Variants in WDFY2 observed in about 807,000 individuals in gnomAD.
WDFY2 encodes the protein WD repeat and FYVE domain containing 2, also known as WD repeat and FYVE domain-containing protein 2.
A neutral mutation model predicts 56.4 loss-of-function variants in WDFY2; 36 were observed. The observed-to-expected ratio is 0.64, with a 90% CI of 0.49 to 0.84. The LOEUF is 0.84. Among genes scored for constraint, WDFY2 ranks in the 40% least tolerant of loss-of-function variants. The pLI is 0.00. For synonymous variants in WDFY2, 176 were observed against 183.7 expected, an observed-to-expected ratio of 0.96 and a Z score of 0.34; for missense variants, 444 against 512.2, an observed-to-expected ratio of 0.87 and a Z score of 1.29.
intron 1 of WDFY2, among the ~76,000 whole-genome samples, chr13:51,645,372 TC>T (rs1424484172): frequency 6.6e-6 from 1 of 152,078 alleles, no homozygotes; most frequent in Admixed American, 6.5e-5. Flanking sequence ...ATAACAATTG[TC>T]CCCTGGGAAA....
chr13:51,652,506 T>C lies in WDFY2; in HGVS notation c.138-8090T>C, dbSNP rs1955413555. 3.3e-5 allele frequency among the ~76,000 whole-genome samples: 5 copies of C among 152,356 alleles called. No individual in the cohort carries two copies. In the South Asian group the frequency reaches 8.3e-4, roughly 25 times the overall value. On this transcript the variant is annotated intron_variant, in intron 1 of 11. Coordinates refer to ENST00000298125, the MANE Select transcript of WDFY2 (RefSeq NM_052950.4). ...TGCAGTTTCTTCCTAGCCTCGATGG[T>C]CTTTACAATTTGGCATGTCTTTGCA...
intron 4 of WDFY2, among the ~76,000 whole-genome samples, chr13:51,710,576 C>A (rs1952190003): frequency 6.6e-6 from 1 of 152,168 alleles, no homozygotes; most frequent in African/African-American, 2.4e-5. Context: ...AGCTGATAAG[C>A]AACTTCAGCA....
At chr13:51,665,207 A>G (rs1955678335) in intron 2 of WDFY2, among the ~76,000 whole-genome samples, 1 of 152,170 alleles carries the variant, frequency 6.6e-6, no homozygotes, top group South Asian at 2.1e-4. Flanking sequence ...ATTTTTATGG[A>G]TGAATGAGAA....
chr13:51,707,438 CAA>C (rs1952107208), intron 4 of WDFY2, among the ~76,000 whole-genome samples: 1 of 152,174 alleles, frequency 6.6e-6, no homozygotes, highest in Admixed American at 6.5e-5. Flanking sequence ...TGATTACAGG[CAA>C]GAACCACTGT....
At chr13:51,720,748 G>A (rs1033971278) in intron 5 of WDFY2, among the ~76,000 whole-genome samples, 4 of 152,154 alleles carry the variant, frequency 2.6e-5, no homozygotes, top group Non-Finnish European at 5.9e-5. Context: ...TCAGTGTCTG[G>A]TGAGGGCACT....
In WDFY2 at chr13:51,758,119, A is replaced by G. The variant is rs1056749305; in HGVS notation, c.1065-73A>G. Reference sequence around the variant, plus strand: ...GCCACGAGGCCAAAATTTAGAGCCTAATGTCATCCTAGATCTCTCTCATTC... The same window carrying G: ...GCCACGAGGCCAAAATTTAGAGCCTGATGTCATCCTAGATCTCTCTCATTC... On this transcript the variant is annotated intron_variant, in intron 10 of 11. Transcript: ENST00000298125. 9 of 1,235,530 alleles carry G rather than the reference A, an allele frequency of 7.3e-6. No homozygotes were observed. In the African/African-American group the frequency reaches 8.8e-5, roughly 12 times the overall value. 76.5% of individuals were successfully genotyped at this position (1,235,530 alleles called of 1,614,324 possible). A position where few individuals can be genotyped will look rare whatever the true frequency, so the allele number is the denominator to read the frequency against.
chr13:51,730,182 C>T (rs1356310780), intron 6 of WDFY2, among the ~76,000 whole-genome samples: 1 of 152,216 alleles, frequency 6.6e-6, no homozygotes, highest in East Asian at 1.9e-4. Flanking sequence ...ATATAATTTT[C>T]CCAGCTGCTT....
In WDFY2 at chr13:51,766,779, C is replaced by T. The variant is rs2138843399; in HGVS notation, c.*7010C>T. 1 of 152,400 alleles carries T rather than the reference C, an allele frequency of 6.6e-6. No homozygotes were observed. Among genetic ancestry groups the T allele is most frequent in the South Asian group, 2.1e-4 (1 of 4,828 alleles). 9.4% of individuals were successfully genotyped at this position (152,400 alleles called of 1,614,324 possible). On this transcript the variant is annotated 3_prime_UTR_variant, in exon 12 of 12. Transcript: ENST00000298125. ...GTTGCCGCCACGGTTTAAAATAAAT[C>T]TCTGTGAAAACCTTTCTGCAGCTAT...
chr13:51,732,317 G>A (rs1413025324), intron 6 of WDFY2, among the ~76,000 whole-genome samples: 1 of 152,080 alleles, frequency 6.6e-6, no homozygotes, highest in East Asian at 1.9e-4. Flanking sequence ...TTTTAGTAGA[G>A]GCAGGGTTTT....
rs1255630280 is a variant in WDFY2, at chr13:51,763,875, G to T, written c.*4106G>T. Reference sequence around the variant, plus strand: ...CCAAATTTTTGTTTTTAAGCAAAAGGATAGCTCTAAGTGTGGGTTGCAGTT... The same window carrying T: ...CCAAATTTTTGTTTTTAAGCAAAAGTATAGCTCTAAGTGTGGGTTGCAGTT... On this transcript the variant is annotated 3_prime_UTR_variant, in exon 12 of 12. Transcript: ENST00000298125. 2.0e-5 allele frequency: 3 copies of T among 152,306 alleles called. No individual in the cohort carries two copies. The highest frequency in any genetic ancestry group is 4.4e-5 in the Non-Finnish European group (3 of 68,022). 9.4% of individuals were successfully genotyped at this position (152,306 alleles called of 1,614,324 possible).
chr13:51,658,938 T>G (rs190512014), intron 1 of WDFY2, among the ~76,000 whole-genome samples: 5 of 152,284 alleles, frequency 3.3e-5, no homozygotes, highest in African/African-American at 1.2e-4. Context: ...ATTAATTTAC[T>G]GTTTTTGAGA....
At chr13:51,729,090 A>G (rs1342860971) in intron 6 of WDFY2, among the ~76,000 whole-genome samples, 1 of 152,038 alleles carries the variant, frequency 6.6e-6, no homozygotes, top group Non-Finnish European at 1.5e-5. Flanking sequence ...ACGGCTTCTC[A>G]GCGTTCTCAG....
At chr13:51,709,646 A>G (rs1275546227) in intron 4 of WDFY2, among the ~76,000 whole-genome samples, 3 of 152,344 alleles carry the variant, frequency 2.0e-5, no homozygotes, top group East Asian at 3.8e-4. Flanking sequence ...ATCAGAGAAT[A>G]CTATCAACAC....
At chr13:51,711,610 C>A (rs1269243291) in intron 4 of WDFY2, among the ~76,000 whole-genome samples, 1 of 152,074 alleles carries the variant, frequency 6.6e-6, no homozygotes, top group Non-Finnish European at 1.5e-5. Flanking sequence ...ATCAAACAAC[C>A]CCATCAAAAA....
rs1214873924 is a variant in WDFY2, at chr13:51,763,096, A to C, written c.*3327A>C. The C allele has an allele frequency of 6.6e-6, 1 of 152,218 alleles. No homozygotes were observed. Among genetic ancestry groups the C allele is most frequent in the Non-Finnish European group, 1.5e-5 (1 of 68,042 alleles). 9.4% of individuals were successfully genotyped at this position (152,218 alleles called of 1,614,324 possible). The stretch of plus-strand genomic sequence containing the variant: ...CAGAGATCTAGAGTGTTTCAAGCAG[A>C]AAACACATTAGTTATACAGGGCAGT... On this transcript the variant is annotated 3_prime_UTR_variant, in exon 12 of 12. Coordinates refer to ENST00000298125, the MANE Select transcript of WDFY2 (RefSeq NM_052950.4).
At chr13:51,675,063 G>A in intron 2 of WDFY2, 107 bp from the exon 3 acceptor site, 3 of 919,600 alleles carry the variant, frequency 3.3e-6, no homozygotes, top group Non-Finnish European at 5.2e-6. Flanking sequence ...ATGTTTTCCA[G>A]GAGATAGTGG....
chr13:51,692,803 G>A (rs1433978408), intron 3 of WDFY2, among the ~76,000 whole-genome samples: 1 of 152,160 alleles, frequency 6.6e-6, no homozygotes, highest in Non-Finnish European at 1.5e-5. Flanking sequence ...GGTAGAATTC[G>A]GCTGTGAATC....
In WDFY2 at chr13:51,675,180, A is replaced by G; in HGVS notation, c.216A>G (p.Ser72=). ...GTTCATTTCTTTCAGCTCCATGTTCATGCATGTCTTTTAACCCGGAAACAA... is the reference window on the plus strand; with the variant it reads ...GTTCATTTCTTTCAGCTCCATGTTCGTGCATGTCTTTTAACCCGGAAACAA... ...SVYHAMPSPC[S]CMSFNPETRR... is the part of the protein sequence containing the mutation. The change falls in exon 3 of 12, where the codon TCA becomes TCG. Residue 72 remains serine (S), a synonymous_variant. Coordinates refer to ENST00000298125, the MANE Select transcript of WDFY2 (RefSeq NM_052950.4). 2 of 1,613,932 alleles carry G rather than the reference A, an allele frequency of 1.2e-6. No individual in the cohort carries two copies. The highest frequency in any genetic ancestry group is 8.5e-7 in the Non-Finnish European group (1 of 1,179,890).
At chr13:51,704,461 G>A (rs530249451) in intron 4 of WDFY2, among the ~76,000 whole-genome samples, 3 of 152,148 alleles carry the variant, frequency 2.0e-5, no homozygotes, top group East Asian at 1.9e-4. Context: ...GAGAGGATAC[G>A]GATGGTAAGC....
Sources: gnomAD v4.1 joint callset for allele counts (sites outside exome capture counted in the v4.1 genomes callset) on GRCh38, gnomAD v4.1.1 for gene constraint, MANE v1.5 for transcripts, NCBI Gene and HGNC (gene_info 2026-07-23, HGNC 2026-07-21) for gene names.